The following ASIC2 variants were observed in gnomAD, a reference collection of about 807,000 sequenced individuals.
ASIC2 encodes acid-sensing ion channel 2.
Under a neutral mutation model 57.3 loss-of-function variants are expected in ASIC2, and 25 were observed. The observed-to-expected ratio is 0.44, with a 90% CI of 0.32 to 0.61. The LOEUF (loss-of-function observed/expected upper bound fraction) is 0.61. Ranked by LOEUF, ASIC2 falls within the 20% of genes least tolerant of loss-of-function variation. ASIC2 has a pLI of 0.06. For missense variants in ASIC2, 641 were observed against 738.1 expected (o/e 0.87, Z 1.52); for synonymous variants, 319 against 307.5 (o/e 1.04, Z -0.39).
intron 1 of ASIC2, among the ~76,000 whole-genome samples, chr17:34,058,587 T>C (rs996341796): frequency 6.6e-6 from 1 of 152,244 alleles, no homozygotes; most frequent in Non-Finnish European, 1.5e-5. Flanking sequence ...CTTGAAACGC[T>C]GTCCTTGAAA....
intron 1 of ASIC2, among the ~76,000 whole-genome samples, chr17:33,852,029 T>C (rs1397241934): frequency 1.3e-5 from 2 of 152,234 alleles, no homozygotes. Flanking sequence ...CAGGCTGTAC[T>C]CAGTGACTCA....
chr17:33,119,388 A>C (rs1376957627), intron 1 of ASIC2, among the ~76,000 whole-genome samples: 1 of 152,200 alleles, frequency 6.6e-6, no homozygotes, highest in African/African-American at 2.4e-5. Context: ...AAAGCTAGCC[A>C]TTTAGTTTTG....
At chr17:33,541,936 GC>G (rs1380743210) in intron 1 of ASIC2, among the ~76,000 whole-genome samples, 1 of 152,178 alleles carries the variant, frequency 6.6e-6, no homozygotes, top group East Asian at 1.9e-4. Flanking sequence ...TCTTAGGCAA[GC>G]TTCTTTATCT....
At chr17:34,132,384 C>T (rs1257557061) in intron 1 of ASIC2, among the ~76,000 whole-genome samples, 1 of 152,110 alleles carries the variant, frequency 6.6e-6, no homozygotes, top group Non-Finnish European at 1.5e-5. Flanking sequence ...AGACGGGTTG[C>T]GGCTGCTGGC....
intron 1 of ASIC2, among the ~76,000 whole-genome samples, chr17:33,914,866 G>C (rs1009844886): frequency 4.6e-5 from 7 of 152,212 alleles, no homozygotes; most frequent in African/African-American, 1.7e-4. Context: ...AGTAGTCACA[G>C]TTGATCGATC....
chr17:34,023,073 C>T (rs947947571), intron 1 of ASIC2, among the ~76,000 whole-genome samples: 1 of 152,140 alleles, frequency 6.6e-6, no homozygotes, highest in Non-Finnish European at 1.5e-5. Flanking sequence ...ATCCACCATG[C>T]TTCCTGTACA....
chr17:33,855,600 C>A (rs978226428), intron 1 of ASIC2, among the ~76,000 whole-genome samples: 2 of 152,072 alleles, frequency 1.3e-5, no homozygotes, highest in Admixed American at 6.6e-5. Flanking sequence ...TGTGTATCCA[C>A]CTAGGGGCTT....
At chr17:33,318,458 T>C (rs531102816) in intron 1 of ASIC2, among the ~76,000 whole-genome samples, 1 of 152,280 alleles carries the variant, frequency 6.6e-6, no homozygotes, top group African/African-American at 2.4e-5. Flanking sequence ...TAGAAATTGA[T>C]GACAGTAAGT....
intron 1 of ASIC2, among the ~76,000 whole-genome samples, chr17:33,895,567 C>A (rs1915076569): frequency 6.6e-6 from 1 of 152,184 alleles, no homozygotes; most frequent in Non-Finnish European, 1.5e-5. Context: ...GCTAGACTGT[C>A]CTTCTCTTAA....
intron 1 of ASIC2, among the ~76,000 whole-genome samples, chr17:33,329,849 G>T (rs113526451): frequency 3.3e-5 from 5 of 152,284 alleles, no homozygotes; most frequent in African/African-American, 7.2e-5. Context: ...TACCCAGGTA[G>T]GTCATTGGAT....
intron 1 of ASIC2, among the ~76,000 whole-genome samples, chr17:33,463,752 A>G (rs1199597259): frequency 1.3e-5 from 2 of 152,222 alleles, no homozygotes; most frequent in African/African-American, 4.8e-5. Context: ...CTCCCAGCCC[A>G]GTCGATCTCT....
chr17:33,227,600 G>A (rs924739751), intron 1 of ASIC2, among the ~76,000 whole-genome samples: 2 of 152,108 alleles, frequency 1.3e-5, no homozygotes, highest in African/African-American at 4.8e-5. Context: ...AAGCGAACCT[G>A]ACCTCCAGGC....
intron 1 of ASIC2, among the ~76,000 whole-genome samples, chr17:34,100,333 G>A (rs918419614): frequency 2.0e-5 from 3 of 152,116 alleles, no homozygotes. Flanking sequence ...TTTGTTAACA[G>A]ATGCTAACGT....
intron 1 of ASIC2, among the ~76,000 whole-genome samples, chr17:33,351,315 C>T (rs1031939581): frequency 1.1e-4 from 17 of 151,976 alleles, no homozygotes; most frequent in African/African-American, 3.9e-4. Context: ...AGTTCCAGGT[C>T]TAAGCACCAT....
At chr17:33,312,829 G>T (rs980760828) in intron 1 of ASIC2, among the ~76,000 whole-genome samples, 8 of 152,002 alleles carry the variant, frequency 5.3e-5, no homozygotes, top group Middle Eastern at 3.4e-3. Flanking sequence ...CTGGCTCTTC[G>T]GGAAGCCGAG....
intron 1 of ASIC2, among the ~76,000 whole-genome samples, chr17:33,925,347 C>G (rs1414894345): frequency 6.6e-6 from 1 of 152,232 alleles, no homozygotes; most frequent in Non-Finnish European, 1.5e-5. Context: ...CCAGGGAAGG[C>G]CAATGGTAAC....
intron 1 of ASIC2, among the ~76,000 whole-genome samples, chr17:33,840,726 T>C (rs1361278598): frequency 1.3e-5 from 2 of 151,612 alleles, no homozygotes; most frequent in African/African-American, 4.9e-5. Flanking sequence ...AAGAAATAGG[T>C]GATTGCTTTA....
At chr17:33,417,998 A>G (rs1910910231) in intron 1 of ASIC2, among the ~76,000 whole-genome samples, 1 of 149,124 alleles carries the variant, frequency 6.7e-6, no homozygotes, top group African/African-American at 2.5e-5. Context: ...CGGGAGCCAG[A>G]GGCCCCACTC....
chr17:34,018,363 C>G (rs956339355), intron 1 of ASIC2, among the ~76,000 whole-genome samples: 11 of 152,230 alleles, frequency 7.2e-5, no homozygotes, highest in African/African-American at 2.2e-4. Flanking sequence ...GACAATGCAT[C>G]TGGTGACCCA....
Sources: allele counts gnomAD v4.1 joint callset (sites outside exome capture counted in the v4.1 genomes callset), GRCh38; gene constraint gnomAD v4.1.1; transcripts MANE v1.5; gene names NCBI Gene and HGNC (gene_info 2026-07-23, HGNC 2026-07-21).